Variants in NLRP12 observed in about 807,000 individuals in gnomAD.
NLRP12 encodes NACHT, LRR and PYD domains-containing protein 12.
A neutral mutation model predicts 91.2 loss-of-function variants in NLRP12; 108 were observed. The observed-to-expected ratio is 1.18, with a 90% CI of 1.01 to 1.39. NLRP12 has a LOEUF of 1.39. NLRP12 is among the 40% of genes most tolerant of loss of function. The probability of loss-of-function intolerance (pLI) is 0.00; values close to 1 mark genes in which losing one functional copy is unlikely to be tolerated. For synonymous variants in NLRP12, 613 were observed against 566.7 expected (o/e 1.08, Z -1.16); for missense variants, 1,530 against 1,352.7 (o/e 1.13, Z -2.06).
chr19:53,817,032 C>G, intron 1 of NLRP12, among the ~76,000 whole-genome samples: 1 of 151,724 alleles, frequency 6.6e-6, no homozygotes, highest in East Asian at 2.0e-4. Context: ...TGGCTCACGC[C>G]TGTAATCCCA....
intron 8 of NLRP12, among the ~76,000 whole-genome samples, chr19:53,797,426 A>G (rs1265254824): frequency 7.0e-6 from 1 of 142,566 alleles, no homozygotes; most frequent in African/African-American, 2.6e-5. Flanking sequence ...CCCGGCCTGA[A>G]TTATTATTTT....
chr19:53,807,921 T>G, intron 3 of NLRP12: 1 of 454,066 alleles, frequency 2.2e-6, no homozygotes, highest in African/African-American at 2.0e-5. Flanking sequence ...CAGTTAATTT[T>G]GTATTTTTAG....
At chr19:53,796,964 G>T (rs540256007) in intron 8 of NLRP12, among the ~76,000 whole-genome samples, 1 of 148,470 alleles carries the variant, frequency 6.7e-6, no homozygotes, top group Non-Finnish European at 1.5e-5. Flanking sequence ...TGCACTCCAG[G>T]GTGACAGGGA....
intron 2 of NLRP12, 111 bp downstream of exon 2, chr19:53,814,797 A>C: frequency 2.3e-6 from 2 of 865,266 alleles, no homozygotes; most frequent in Non-Finnish European, 2.0e-6. Context: ...TGATGGTGTC[A>C]TTAATCCACC....
intron 1 of NLRP12, among the ~76,000 whole-genome samples, chr19:53,815,449 G>C (rs954463212): frequency 6.6e-6 from 1 of 151,752 alleles, no homozygotes; most frequent in Non-Finnish European, 1.5e-5. Flanking sequence ...GGCTGGTCTT[G>C]AACTCCTGAC....
intron 4 of NLRP12, 102 bp downstream of exon 4, chr19:53,807,393 T>C: frequency 8.3e-7 from 1 of 1,201,604 alleles, no homozygotes; most frequent in Non-Finnish European, 1.2e-6. Context: ...ATGGCAGCCG[T>C]AGCCAACGAA....
chr19:53,793,743 C>A lies in NLRP12; in HGVS notation c.*306G>T, dbSNP rs1012855616. The A allele has an allele frequency of 7.0e-6, 3 of 430,820 alleles. No homozygotes were observed. The highest frequency in any genetic ancestry group is 1.3e-5 in the Non-Finnish European group (3 of 231,154). 26.7% of individuals were successfully genotyped at this position (430,820 alleles called of 1,614,324 possible). A position where few individuals can be genotyped will look rare whatever the true frequency, so the allele number is the denominator to read the frequency against. On this transcript the variant is annotated 3_prime_UTR_variant, in exon 10 of 10. Coordinates refer to ENST00000324134, the MANE Select transcript of NLRP12 (RefSeq NM_144687.4). The stretch of plus-strand genomic sequence containing the variant: ...GGGACTACAGGTGCCCGCCACCATG[C>A]CTGGCTAATTTTTTTTTATTTTTAG...
Position 53,810,558 on chromosome 19 carries a change from C to T in NLRP12, c.1101G>A (p.Glu367=), listed in dbSNP as rs775132038. The part of the protein sequence containing the change: ...PRHVEILGFS[E]AERKEYFYKY... ...TGTAGAAGTATTCCTTCCTTTCTGC[C>T]TCAGAGAAGCCCAGGATCTCCACAT... The change falls in exon 3 of 10, where the codon GAG becomes GAA. Residue 367 remains glutamate, a synonymous_variant. Transcript: ENST00000324134. 1.7e-5 allele frequency: 27 copies of T among 1,614,040 alleles called. 1 individual carries two copies. In the South Asian group the frequency reaches 2.9e-4, roughly 17 times the overall value.
chr19:53,819,334 T>C (rs2092211279), intron 1 of NLRP12, among the ~76,000 whole-genome samples: 1 of 147,092 alleles, frequency 6.8e-6, no homozygotes, highest in South Asian at 2.2e-4. Flanking sequence ...AACCTCCGCC[T>C]CCCGGGTTCA....
At chr19:53,794,824 G>A (rs1451212300) in intron 9 of NLRP12, among the ~76,000 whole-genome samples, 5 of 151,762 alleles carry the variant, frequency 3.3e-5, no homozygotes, top group African/African-American at 1.2e-4. Flanking sequence ...GTGCCACCAT[G>A]CCTGGCTAAT....
chr19:53,810,404 C>G lies in NLRP12; in HGVS notation c.1255G>C (p.Glu419Gln), dbSNP rs1291646132. ...GTCTGTCTCAACAGCCCCCCACCCT[C>G]CAGCTGCTGCTGGAGGCAGGTACAC... is the stretch of plus-strand genomic sequence containing the variant. ...VVCTCLQQQL[E>Q]GGGLLRQTSR... The change falls in exon 3 of 10, where the codon GAG becomes CAG. Residue 419 changes from glutamate to glutamine, a missense_variant. Transcript: ENST00000324134. The G allele has an allele frequency of 1.2e-6, 2 of 1,613,886 alleles. No homozygotes were observed. Among genetic ancestry groups the G allele is most frequent in the Non-Finnish European group, 1.7e-6 (2 of 1,180,020 alleles).
chr19:53,805,480 G>A (rs1354689800), intron 4 of NLRP12, 30 bp from the exon 5 acceptor site: 2 of 1,607,866 alleles, frequency 1.2e-6, no homozygotes, highest in Non-Finnish European at 1.7e-6. Flanking sequence ...AAAGGAGCTG[G>A]TCATTTCTTT....
intron 6 of NLRP12, among the ~76,000 whole-genome samples, chr19:53,803,045 T>G (rs3974831): frequency 0.2 from 30,026 of 152,096 alleles, 3,154 homozygotes; most frequent in South Asian, 0.25. Flanking sequence ...CACCGCGCCC[T>G]GCCCTTCTGA....
At position 53,814,916 on chromosome 19, in the gene NLRP12, G is replaced by A. The variant is rs773438934; in HGVS notation, c.362C>T (p.Pro121Leu). Reference sequence around the variant, plus strand: ...CATGGCTTGAGGCTCACCTTTTCTTGGAGTGACAAGAGAGACTTCCAGAAG... The same window carrying A: ...CATGGCTTGAGGCTCACCTTTTCTTAGAGTGACAAGAGAGACTTCCAGAAG... ...TCLLEVSLVT[P>L]RKDPQETYRD... The change falls in exon 2 of 10, where the codon CCA becomes CTA. Residue 121 changes from proline (P) to leucine (L), a missense_variant. By Grantham distance (98) the Pro-to-Leu change is moderately conservative (BLOSUM62 -3). Transcript: ENST00000324134. 3 of 1,613,648 alleles carry A rather than the reference G, an allele frequency of 1.9e-6. No individual in the cohort carries two copies. Among genetic ancestry groups the A allele is most frequent in the African/African-American group, 1.3e-5 (1 of 75,010 alleles).
chr19:53,809,905 G>T lies in NLRP12; in HGVS notation c.1754C>A (p.Pro585Gln). The T allele has an allele frequency of 6.2e-7, 1 of 1,614,020 alleles. No individual in the cohort carries two copies. Among genetic ancestry groups the T allele is most frequent in the South Asian group, 1.1e-5 (1 of 91,080 alleles). The change falls in exon 3 of 10, where the codon CCG becomes CAG. Residue 585 changes from proline to glutamine, a missense_variant. By Grantham distance (76) the Pro-to-Gln change is moderately conservative. Coordinates refer to ENST00000324134, the MANE Select transcript of NLRP12 (RefSeq NM_144687.4). ...LEKSLCWKVS[P>Q]HIKMDLLQWI... is the part of the protein sequence containing the mutation. ...CTGCAACAGGTCCATCTTGATGTGCGGCGAGACCTTCCAGCAGAGACTCTT... is the reference window on the plus strand; with the variant it reads ...CTGCAACAGGTCCATCTTGATGTGCTGCGAGACCTTCCAGCAGAGACTCTT...
At chr19:53,805,199 G>T in intron 5 of NLRP12, 81 bp downstream of exon 5, 1 of 1,418,208 alleles carries the variant, frequency 7.1e-7, no homozygotes, top group South Asian at 1.2e-5. Context: ...GTGGAGATTT[G>T]GGGATTACCA....
At chr19:53,798,967 C>T (rs369810895) in intron 7 of NLRP12, among the ~76,000 whole-genome samples, 3 of 151,238 alleles carry the variant, frequency 2.0e-5, no homozygotes, top group East Asian at 1.9e-4. Context: ...GTTTCGAACT[C>T]CTGACCTTAG....
chr19:53,812,772 G>A (rs1188485008), intron 2 of NLRP12, among the ~76,000 whole-genome samples: 4 of 151,876 alleles, frequency 2.6e-5, no homozygotes, highest in Non-Finnish European at 5.9e-5. Context: ...AAACAAATAT[G>A]TGTACTTTTA....
chr19:53,816,560 C>T (rs538623571), intron 1 of NLRP12, among the ~76,000 whole-genome samples: 41 of 151,986 alleles, frequency 2.7e-4, no homozygotes, highest in Admixed American at 1.8e-3. Context: ...CTCGCTCTGT[C>T]GCCCAGGCTG....
Sources: gnomAD v4.1 joint callset for allele counts (sites outside exome capture counted in the v4.1 genomes callset) on GRCh38, gnomAD v4.1.1 for gene constraint, MANE v1.5 for transcripts, NCBI Gene and HGNC (gene_info 2026-07-23, HGNC 2026-07-21) for gene names.